The following GK variants were observed in gnomAD, a reference collection of about 807,000 sequenced individuals.
The protein encoded by GK is ATP:glycerol 3-phosphotransferase.
GK carries 9 observed loss-of-function variants against 56.4 expected under a neutral mutation model. The ratio of observed to expected loss-of-function variants is 0.16; its 90% CI spans 0.10 to 0.28. The LOEUF (loss-of-function observed/expected upper bound fraction) is 0.28. Ranked by LOEUF, GK falls within the 10% of genes least tolerant of loss-of-function variation. The probability of loss-of-function intolerance (pLI) is 1.00; values close to 1 mark genes in which losing one functional copy is unlikely to be tolerated. For missense variants in GK, 161 were observed against 431.4 expected (o/e 0.37, Z 5.55); for synonymous variants, 104 against 144.1 (o/e 0.72, Z 1.99).
chrX:30,708,401 T>G (rs974070521), intron 13 of GK, among the ~76,000 whole-genome samples: 3 of 84,935 alleles, frequency 3.5e-5, no homozygotes, highest in Admixed American at 2.5e-4. Flanking sequence ...CAATGTAAGG[T>G]TTTTTTTTTT....
chrX:30,729,379 A>G lies in GK; in HGVS notation c.*637A>G, dbSNP rs1226543865. On this transcript the variant is annotated 3_prime_UTR_variant, in exon 21 of 21. Transcript: ENST00000427190. Reference sequence around the variant, plus strand: ...GTTTTCCATGGTCCCACTAATTATAATGACTTTCTGTCTGGATCTTATAGG... The same window carrying G: ...GTTTTCCATGGTCCCACTAATTATAGTGACTTTCTGTCTGGATCTTATAGG... The G allele has an allele frequency of 9.0e-6, 1 of 110,863 alleles. No homozygotes were observed. Among genetic ancestry groups the G allele is most frequent in the Non-Finnish European group, 1.9e-5 (1 of 52,915 alleles). The allele number at this position is 110,863 out of a possible 1,213,427, so 9.1% of individuals were successfully genotyped here.
At chrX:30,716,532 C>T (rs1339973938) in intron 13 of GK, among the ~76,000 whole-genome samples, 1 of 111,148 alleles carries the variant, frequency 9.0e-6, no homozygotes, top group Non-Finnish European at 1.9e-5. Flanking sequence ...ATTAATTTTA[C>T]CTTCCTTTTA....
At chrX:30,699,570 G>A (rs1447476183) in intron 9 of GK, among the ~76,000 whole-genome samples, 1 of 108,493 alleles carries the variant, frequency 9.2e-6, no homozygotes, top group African/African-American at 3.4e-5. Flanking sequence ...CACCATGTTG[G>A]CCAGGCTGGT....
intron 1 of GK, among the ~76,000 whole-genome samples, chrX:30,664,514 A>T (rs1312745092): frequency 1.8e-5 from 2 of 108,709 alleles, no homozygotes. Flanking sequence ...GCTATATTTT[A>T]AAAAGTGTTG....
intron 4 of GK, among the ~76,000 whole-genome samples, chrX:30,682,236 A>G (rs1347619198): frequency 8.9e-6 from 1 of 112,063 alleles, no homozygotes; most frequent in African/African-American, 3.2e-5. Flanking sequence ...TTCCAAATGT[A>G]GACTTGAAAA....
chrX:30,671,987 TACA>T (rs1933542482), intron 3 of GK: 1 of 107,630 alleles, frequency 9.3e-6, no homozygotes, highest in Non-Finnish European at 1.9e-5. Flanking sequence ...CTACTAAAAA[TACA>T]ACATTAGCTG....
intron 9 of GK, among the ~76,000 whole-genome samples, chrX:30,699,275 A>AATATATACATGTTATGTATAACATG: frequency 1.7e-5 from 1 of 57,410 alleles, no homozygotes. Flanking sequence ...TATAACATGT[A>AATATATACATGTTATGTATAACATG]TATATACAAC....
chrX:30,718,488 C>T, intron 13 of GK, 50 bp from the exon 14 acceptor site: 2 of 851,151 alleles, frequency 2.3e-6, no homozygotes, highest in Non-Finnish European at 3.5e-6. Flanking sequence ...CAATAAAAAC[C>T]TTGGATAGTG....
chrX:30,676,111 T>A (rs897651705), intron 3 of GK, among the ~76,000 whole-genome samples: 7 of 111,619 alleles, frequency 6.3e-5, no homozygotes, highest in South Asian at 3.8e-4. Context: ...TTTTTAAAAA[T>A]TTTTTTATAG....
intron 2 of GK, among the ~76,000 whole-genome samples, chrX:30,666,982 G>C (rs993217516): frequency 2.7e-5 from 3 of 110,227 alleles, no homozygotes; most frequent in Admixed American, 9.8e-5. Flanking sequence ...GTGAAACCTC[G>C]TCTCTACTAA....
intron 5 of GK, among the ~76,000 whole-genome samples, chrX:30,693,564 T>TG (rs1033214260): frequency 9.0e-6 from 1 of 111,146 alleles, no homozygotes; most frequent in Non-Finnish European, 1.9e-5. Context: ...TTTTATTTTT[T>TG]TTGAGACAGA....
At chrX:30,719,580 T>C (rs1031021025) in intron 15 of GK, 65 bp downstream of exon 15, 1 of 615,004 alleles carries the variant, frequency 1.6e-6, no homozygotes, top group African/African-American at 2.2e-5. Context: ...CGTTAATAAC[T>C]TATTAGTTTC....
chrX:30,698,800 A>G (rs1935386203), intron 9 of GK, among the ~76,000 whole-genome samples: 1 of 90,238 alleles, frequency 1.1e-5, no homozygotes, highest in Non-Finnish European at 2.1e-5. Context: ...CAGGAGGCGG[A>G]GGTTGTGGTG....
intron 1 of GK, among the ~76,000 whole-genome samples, chrX:30,662,053 A>T (rs982010833): frequency 8.9e-6 from 1 of 112,076 alleles, no homozygotes; most frequent in Non-Finnish European, 1.9e-5. Context: ...TGAGGAAAAA[A>T]GTACTCTAGA....
intron 3 of GK, among the ~76,000 whole-genome samples, chrX:30,672,863 T>C (rs915022764): frequency 1.5e-4 from 17 of 111,992 alleles, no homozygotes; most frequent in African/African-American, 4.5e-4. Flanking sequence ...CACATGGTAT[T>C]CCTTTTTGTA....
At chrX:30,658,635 GTTTC>G (rs1170102715) in intron 1 of GK, among the ~76,000 whole-genome samples, 2 of 112,227 alleles carry the variant, frequency 1.8e-5, no homozygotes, top group Admixed American at 1.9e-4. Flanking sequence ...TTCTTTTGTT[GTTTC>G]TTTCTTTCTC....
At chrX:30,696,851 T>C in intron 8 of GK, 168 bp downstream of exon 8, 2 of 460,425 alleles carry the variant, frequency 4.3e-6, no homozygotes, top group South Asian at 3.2e-5. Flanking sequence ...CTTTTTACAA[T>C]GGATTTGCAT....
chrX:30,666,312 A>G (rs1299868526), intron 2 of GK, among the ~76,000 whole-genome samples: 1 of 112,544 alleles, frequency 8.9e-6, no homozygotes, highest in East Asian at 2.7e-4. Context: ...GTGGACAGAT[A>G]CTTGCACCAA....
chrX:30,683,342 C>A (rs1934392712), intron 4 of GK, among the ~76,000 whole-genome samples: 1 of 111,129 alleles, frequency 9.0e-6, no homozygotes, highest in African/African-American at 3.3e-5. Context: ...AGGTGTGAGC[C>A]ACCATACCCG....
Sources: allele counts gnomAD v4.1 joint callset (sites outside exome capture counted in the v4.1 genomes callset), GRCh38; gene constraint gnomAD v4.1.1; transcripts MANE v1.5; gene names NCBI Gene and HGNC (gene_info 2026-07-23, HGNC 2026-07-21).